The following GPATCH2 variants were observed in gnomAD, a reference collection of about 807,000 sequenced individuals.
GPATCH2 encodes the protein G-patch domain containing 2.
Under a neutral mutation model 58.0 loss-of-function variants are expected in GPATCH2, and 51 were observed. The ratio of observed to expected loss-of-function variants is 0.88; its 90% CI spans 0.70 to 1.11. GPATCH2 has a LOEUF of 1.11. GPATCH2 is among the 50% of genes most tolerant of loss of function. The probability of loss-of-function intolerance (pLI) is 0.00; values close to 1 mark genes in which losing one functional copy is unlikely to be tolerated. For missense variants in GPATCH2, 625 were observed against 652.2 expected (o/e 0.96, Z 0.45); for synonymous variants, 222 against 218.5 (o/e 1.02, Z -0.14).
At chr1:217,579,457 T>C (rs1277858846) in intron 5 of GPATCH2, among the ~76,000 whole-genome samples, 2 of 152,136 alleles carry the variant, frequency 1.3e-5, no homozygotes, top group African/African-American at 4.8e-5. Flanking sequence ...CTTGACTTAA[T>C]ATTGACACAG....
chr1:217,577,439 T>C (rs542846656), intron 5 of GPATCH2, among the ~76,000 whole-genome samples: 40 of 152,314 alleles, frequency 2.6e-4, no homozygotes, highest in African/African-American at 8.4e-4. Context: ...TATGTCTTCA[T>C]TTCCCAATCT....
At chr1:217,505,914 C>A (rs936005833) in intron 6 of GPATCH2, among the ~76,000 whole-genome samples, 1 of 152,162 alleles carries the variant, frequency 6.6e-6, no homozygotes, top group Non-Finnish European at 1.5e-5. Context: ...CTTCCACCTC[C>A]TGGGTTCAAG....
At chr1:217,523,226 G>C (rs947694005) in intron 5 of GPATCH2, among the ~76,000 whole-genome samples, 1 of 151,424 alleles carries the variant, frequency 6.6e-6, no homozygotes, top group Non-Finnish European at 1.5e-5. Context: ...CCCAGAGGGG[G>C]ATTTGGCAGG....
intron 5 of GPATCH2, among the ~76,000 whole-genome samples, chr1:217,568,881 G>A (rs1666399026): frequency 6.6e-6 from 1 of 152,152 alleles, no homozygotes; most frequent in African/African-American, 2.4e-5. Flanking sequence ...CAAAGGCAAA[G>A]CCAATAGTTT....
At position 217,567,112 on chromosome 1, in the gene GPATCH2, T is replaced by C. The variant is rs186825758; in HGVS notation, c.1098+43209A>G. On this transcript the variant is annotated intron_variant, in intron 5 of 9. Coordinates refer to ENST00000366935, the MANE Select transcript of GPATCH2 (RefSeq NM_018040.5). ...CCCAGGCTGGAGTGCAATGGCGCGA[T>C]CTTGGCTCACTGCAACCTCCACCTC... Among the ~76,000 whole-genome samples the C allele has an allele frequency of 5.3e-4, 80 of 149,654 alleles. 1 individual carries two copies. The East Asian group carries it at 9.7e-3, about 18-fold the overall frequency.
intron 8 of GPATCH2, among the ~76,000 whole-genome samples, chr1:217,471,480 G>GGGA (rs1660720111): frequency 6.6e-6 from 1 of 152,130 alleles, no homozygotes; most frequent in South Asian, 2.1e-4. Flanking sequence ...ACAGTATGGG[G>GGGA]AAGACTGAGC....
intron 5 of GPATCH2, among the ~76,000 whole-genome samples, chr1:217,521,905 A>T (rs903347441): frequency 2.6e-5 from 4 of 152,188 alleles, no homozygotes; most frequent in Admixed American, 2.6e-4. Flanking sequence ...GAAGATGCTA[A>T]CCTTACAGCT....
rs564662235 is a variant in GPATCH2, at chr1:217,428,166, T to A, written c.*2979A>T. 20 of 152,194 alleles carry A rather than the reference T, an allele frequency of 1.3e-4. No homozygotes were observed. In the East Asian group the frequency reaches 3.7e-3, roughly 28 times the overall value. 9.4% of individuals were successfully genotyped at this position (152,194 alleles called of 1,614,324 possible). A position where few individuals can be genotyped will look rare whatever the true frequency, so the allele number is the denominator to read the frequency against. The stretch of plus-strand genomic sequence containing the variant: ...CAAATTTTTTAAACAGTCAAGTTGC[T>A]AATGTAATCATGCTCAGCGTCTCTA... On this transcript the variant is annotated 3_prime_UTR_variant, in exon 10 of 10. Coordinates refer to ENST00000366935, the MANE Select transcript of GPATCH2 (RefSeq NM_018040.5).
At chr1:217,572,159 C>G (rs1017984890) in intron 5 of GPATCH2, among the ~76,000 whole-genome samples, 1 of 151,876 alleles carries the variant, frequency 6.6e-6, no homozygotes, top group African/African-American at 2.4e-5. Context: ...TATCCTGATA[C>G]CTATCTTACA....
intron 5 of GPATCH2, among the ~76,000 whole-genome samples, chr1:217,530,752 A>G (rs1007587981): frequency 6.6e-6 from 1 of 152,236 alleles, no homozygotes; most frequent in Non-Finnish European, 1.5e-5. Flanking sequence ...TGTGGTACTT[A>G]GTCTAAATTA....
At chr1:217,440,927 G>A (rs1386818396) in intron 9 of GPATCH2, among the ~76,000 whole-genome samples, 1 of 152,114 alleles carries the variant, frequency 6.6e-6, no homozygotes, top group African/African-American at 2.4e-5. Flanking sequence ...AAATGGCCAC[G>A]CTGCCCAAGT....
At position 217,571,706 on chromosome 1, in the gene GPATCH2, AAAAAAAAAAAAAAAC is replaced by A. The variant is rs567105009; in HGVS notation, c.1098+38600_1098+38614del. On this transcript the variant is annotated intron_variant, in intron 5 of 9. Transcript: ENST00000366935. ...CAGCGAAGAACAAAAACGAAACCAAAAAAAAAAAAAAAAACAAAAAAGAAGAAAATAAGAAAATTA... is the reference window on the plus strand; with the variant it reads ...CAGCGAAGAACAAAAACGAAACCAAAAAAAAAGAAGAAAATAAGAAAATTA... Among the ~76,000 whole-genome samples, 428 of 148,224 alleles carry A rather than the reference AAAAAAAAAAAAAAAC, an allele frequency of 2.9e-3. 1 individual carries two copies. Among genetic ancestry groups the A allele is most frequent in the Middle Eastern group, 7.0e-3 (2 of 284 alleles).
intron 9 of GPATCH2, among the ~76,000 whole-genome samples, chr1:217,437,871 C>T (rs548438565): frequency 1.5e-4 from 23 of 152,314 alleles, no homozygotes; most frequent in Non-Finnish European, 3.1e-4. Flanking sequence ...CCCAGCACAG[C>T]GCTTGAGCTC....
At chr1:217,593,757 T>C (rs1167274376) in intron 5 of GPATCH2, among the ~76,000 whole-genome samples, 1 of 152,046 alleles carries the variant, frequency 6.6e-6, no homozygotes, top group Non-Finnish European at 1.5e-5. Flanking sequence ...CAATCTGTAA[T>C]ATATGGTATT....
chr1:217,550,960 G>A (rs748271050), intron 5 of GPATCH2, among the ~76,000 whole-genome samples: 18 of 151,648 alleles, frequency 1.2e-4, no homozygotes, highest in Non-Finnish European at 2.5e-4. Context: ...TATAATCAGA[G>A]ACTTTATGAA....
At chr1:217,541,166 A>G (rs1418540050) in intron 5 of GPATCH2, among the ~76,000 whole-genome samples, 12 of 152,202 alleles carry the variant, frequency 7.9e-5, no homozygotes, top group Admixed American at 7.9e-4. Flanking sequence ...AGAGTACTAC[A>G]CTGATACAGC....
At chr1:217,613,269 CTT>C (rs1668721060) in intron 3 of GPATCH2, among the ~76,000 whole-genome samples, 1 of 152,004 alleles carries the variant, frequency 6.6e-6, no homozygotes, top group Admixed American at 6.6e-5. Context: ...AGAATGATCA[CTT>C]ATGTTTTTTG....
At chr1:217,585,385 G>A (rs11117889) in intron 5 of GPATCH2, among the ~76,000 whole-genome samples, 31,252 of 152,072 alleles carry the variant, frequency 0.21, 4,118 homozygotes, top group East Asian at 0.49. Context: ...CGCTTTGGGA[G>A]GCCGAGGCAG....
At chr1:217,619,695 T>A in intron 2 of GPATCH2, 88 bp downstream of exon 2, 2 of 481,214 alleles carry the variant, frequency 4.2e-6, no homozygotes, top group Non-Finnish European at 7.1e-6. Flanking sequence ...TTTATAATTA[T>A]TTTAAAATAG....
Sources: allele counts gnomAD v4.1 joint callset (sites outside exome capture counted in the v4.1 genomes callset), GRCh38; gene constraint gnomAD v4.1.1; transcripts MANE v1.5; gene names NCBI Gene and HGNC (gene_info 2026-07-23, HGNC 2026-07-21).